Variants in MTHFD1L observed in about 807,000 individuals in gnomAD.
MTHFD1L encodes the protein methylenetetrahydrofolate dehydrogenase (NADP+ dependent) 1 like.
Under a neutral mutation model 119.5 loss-of-function variants are expected in MTHFD1L, and 81 were observed. The observed-to-expected ratio is 0.68, with a 90% CI of 0.57 to 0.82. MTHFD1L has a LOEUF of 0.82. Ranked by LOEUF, MTHFD1L falls within the 40% of genes least tolerant of loss-of-function variation. The pLI is 0.00. For synonymous variants in MTHFD1L, 430 were observed against 475.2 expected, an observed-to-expected ratio of 0.90 and a Z score of 1.24; for missense variants, 1,125 against 1,253.4, an observed-to-expected ratio of 0.90 and a Z score of 1.55.
At chr6:151,099,198 A>G (rs966219333) in intron 27 of MTHFD1L, among the ~76,000 whole-genome samples, 4 of 148,508 alleles carry the variant, frequency 2.7e-5, no homozygotes, top group African/African-American at 9.9e-5. Context: ...AAAAAGTGGG[A>G]CCACATACTC....
At chr6:150,988,231 C>G (rs981090825) in intron 20 of MTHFD1L, among the ~76,000 whole-genome samples, 1 of 152,070 alleles carries the variant, frequency 6.6e-6, no homozygotes, top group Non-Finnish European at 1.5e-5. Flanking sequence ...AATGCATAAG[C>G]TTTTTGAGAA....
intron 20 of MTHFD1L, among the ~76,000 whole-genome samples, chr6:151,002,777 C>T (rs1780796773): frequency 6.6e-6 from 1 of 152,198 alleles, no homozygotes; most frequent in South Asian, 2.1e-4. Flanking sequence ...GTAGTGCATT[C>T]GTAATATTCT....
chr6:151,022,108 T>C (rs1784024341), intron 24 of MTHFD1L: 1 of 470,198 alleles, frequency 2.1e-6, no homozygotes, highest in African/African-American at 2.0e-5. Context: ...CGCAGCCAGC[T>C]CTGCTGACTT....
At chr6:150,985,636 G>A (rs2128430381) in intron 20 of MTHFD1L, among the ~76,000 whole-genome samples, 2 of 145,278 alleles carry the variant, frequency 1.4e-5, no homozygotes, top group South Asian at 4.4e-4. Flanking sequence ...ACTCCAGCCT[G>A]GGTGACAGAG....
chr6:150,945,496 G>C lies in MTHFD1L; in HGVS notation c.1578G>C (p.Val526=). Residue 526 remains valine, a synonymous_variant, in exon 15 of 28, where the codon GTG becomes GTC. Coordinates refer to ENST00000367321, the MANE Select transcript of MTHFD1L (RefSeq NM_015440.5). ...KALYNRLVPL[V]NGVREFSEIQ... is the part of the protein sequence containing the mutation. ...TGTATAATCGGCTGGTTCCTTTAGT[G>C]AATGGTGTCAGAGAATTTTCAGAAA... 6.2e-7 allele frequency: 1 copy of C among 1,614,024 alleles called. No homozygotes were observed. The highest frequency in any genetic ancestry group is 8.5e-7 in the Non-Finnish European group (1 of 1,179,988).
intron 11 of MTHFD1L, among the ~76,000 whole-genome samples, chr6:150,929,148 G>T (rs181433702): frequency 6.6e-6 from 1 of 152,186 alleles, no homozygotes; most frequent in Non-Finnish European, 1.5e-5. Flanking sequence ...GATTGGCTCC[G>T]GGGTCTCTGA....
intron 26 of MTHFD1L, among the ~76,000 whole-genome samples, chr6:151,065,880 C>G (rs1791173893): frequency 6.6e-6 from 1 of 152,212 alleles, no homozygotes. Flanking sequence ...CAGACCATAC[C>G]TGGCCTGTAG....
intron 26 of MTHFD1L, among the ~76,000 whole-genome samples, chr6:151,070,787 G>A (rs1791868663): frequency 6.6e-6 from 1 of 152,222 alleles, no homozygotes; most frequent in African/African-American, 2.4e-5. Context: ...TTTGTGTAAT[G>A]TTTGGGTAAT....
At chr6:150,901,074 G>A (rs918700758) in intron 7 of MTHFD1L, among the ~76,000 whole-genome samples, 1 of 151,930 alleles carries the variant, frequency 6.6e-6, no homozygotes, top group African/African-American at 2.4e-5. Flanking sequence ...GAAAAGTGAT[G>A]TTTTTCTTAG....
intron 20 of MTHFD1L, among the ~76,000 whole-genome samples, chr6:151,002,306 G>A (rs766304094): frequency 1.3e-5 from 2 of 152,158 alleles, no homozygotes; most frequent in Non-Finnish European, 2.9e-5. Context: ...AAATTTTCCA[G>A]TCCTTAGTAT....
At position 150,998,550 on chromosome 6, in the gene MTHFD1L, G is replaced by C. The variant is rs141886236; in HGVS notation, c.2126-11269G>C. Reference sequence around the variant, plus strand: ...CTAATTCAAAAATCCAAAATCCAAAGAAGTGCTCAAAAATCCAAAGTTTTT... The same window carrying C: ...CTAATTCAAAAATCCAAAATCCAAACAAGTGCTCAAAAATCCAAAGTTTTT... On this transcript the variant is annotated intron_variant, in intron 20 of 27. Transcript: ENST00000367321. Among the ~76,000 whole-genome samples, 244 of 150,944 alleles carry C rather than the reference G, an allele frequency of 1.6e-3. 3 individuals are homozygous for C. The highest frequency in any genetic ancestry group is 5.7e-3 in the African/African-American group (235 of 41,066).
rs535240514 is a variant in MTHFD1L at position 151,004,069 on chromosome 6, G to T, written c.2126-5750G>T. Among the ~76,000 whole-genome samples the T allele has an allele frequency of 6.6e-5, 10 of 150,938 alleles. No individual in the cohort carries two copies. The East Asian group carries it at 2.0e-3, about 30-fold the overall frequency. The stretch of plus-strand genomic sequence containing the variant: ...TGATTACTTTAAAATCTGAGTCCTG[G>T]CCAGGACTCACGCCTGTAATCCCAG... On this transcript the variant is annotated intron_variant, in intron 20 of 27. Transcript: ENST00000367321.
chr6:151,043,526 T>A (rs960562850), intron 26 of MTHFD1L, among the ~76,000 whole-genome samples: 8 of 152,120 alleles, frequency 5.3e-5, no homozygotes, highest in Non-Finnish European at 1.2e-4. Flanking sequence ...CCCGGCCATC[T>A]CTCACAGTGT....
chr6:150,935,317 A>G lies in MTHFD1L; in HGVS notation c.1257-1487A>G, dbSNP rs1268779418. The G allele has an allele frequency of 1.9e-6, 3 of 1,612,316 alleles. No homozygotes were observed. In the African/African-American group the frequency reaches 4.0e-5, roughly 22 times the overall value. ...AAGAAGCCAAAACTGAACTTCACAA[A>G]ATAACTAGGATATCAGAAAATCAAG... On this transcript the variant is annotated intron_variant, in intron 11 of 27. Transcript: ENST00000367321.
At chr6:150,935,459 T>C (rs9767752) in intron 11 of MTHFD1L, 598,366 of 1,609,324 alleles carry the variant, frequency 0.37, 118,759 homozygotes, top group African/African-American at 0.68. Flanking sequence ...TTGGCATTTG[T>C]AGCCTACCTG....
chr6:150,978,046 G>A (rs1473616594), intron 20 of MTHFD1L, among the ~76,000 whole-genome samples: 3 of 151,916 alleles, frequency 2.0e-5, no homozygotes, highest in South Asian at 2.1e-4. Context: ...GATTACAGGC[G>A]CATGCCACCA....
chr6:151,015,486 A>G (rs1307914881), intron 23 of MTHFD1L, 30 bp from the exon 24 acceptor site: 1 of 1,586,514 alleles, frequency 6.3e-7, no homozygotes, highest in African/African-American at 1.4e-5. Context: ...ATGGATACAG[A>G]TGCAAAACCA....
At chr6:150,944,361 T>C in intron 13 of MTHFD1L, 125 bp from the exon 14 acceptor site, 1 of 692,352 alleles carries the variant, frequency 1.4e-6, no homozygotes, top group South Asian at 1.8e-5. Context: ...GGTGAGAGGA[T>C]TGCTTGAGCC....
At chr6:150,906,035 ATG>A (rs372857174) in intron 8 of MTHFD1L, among the ~76,000 whole-genome samples, 1 of 152,174 alleles carries the variant, frequency 6.6e-6, no homozygotes, top group African/African-American at 2.4e-5. Flanking sequence ...GATGATTTGT[ATG>A]TGTGTGAGGT....
Sources: gnomAD v4.1 joint callset for allele counts (sites outside exome capture counted in the v4.1 genomes callset) on GRCh38, gnomAD v4.1.1 for gene constraint, MANE v1.5 for transcripts, NCBI Gene and HGNC (gene_info 2026-07-23, HGNC 2026-07-21) for gene names.